Variants in CENPT observed in about 807,000 individuals in gnomAD.
CENPT encodes centromere protein T, also known as interphase centromere complex protein 22.
In CENPT, 42 loss-of-function variants were observed where a neutral mutation model predicts 59.7. That is an observed-to-expected ratio of 0.70 (90% CI 0.55 to 0.91). The LOEUF (loss-of-function observed/expected upper bound fraction) is 0.91. CENPT is among the 40% of genes least tolerant of loss of function. The probability of loss-of-function intolerance (pLI) is 0.00; values close to 1 mark genes in which losing one functional copy is unlikely to be tolerated. For synonymous variants in CENPT, 295 were observed against 289.6 expected, an observed-to-expected ratio of 1.02 and a Z score of -0.19; for missense variants, 716 against 713.4, an observed-to-expected ratio of 1.00 and a Z score of -0.04.
In CENPT at chr16:67,829,435, G is replaced by A; in HGVS notation, c.1268C>T (p.Pro423Leu). 1 of 1,583,200 alleles carries A rather than the reference G, an allele frequency of 6.3e-7. No homozygotes were observed. Among genetic ancestry groups the A allele is most frequent in the Non-Finnish European group, 8.5e-7 (1 of 1,171,634 alleles). ...HHQFLEPAPA[P>L]GAAVLSSEPA... ...TGTGGGATCTTACACTGCAGCACCA[G>A]GCGCTGGGGCTGGCTCAAGAAACTG... Residue 423 changes from proline to leucine, a missense_variant, in exon 13 of 16, where the codon CCT (proline) becomes CTT (leucine). Pro to Leu is a moderately conservative substitution (Grantham distance 98). Coordinates refer to ENST00000562787, the MANE Select transcript of CENPT (RefSeq NM_025082.4).
chr16:67,836,429 AAAC>A (rs1207257582), intron 1 of CENPT, among the ~76,000 whole-genome samples: 1 of 149,676 alleles, frequency 6.7e-6, no homozygotes, highest in Non-Finnish European at 1.5e-5. Flanking sequence ...ATATGGAAAA[AAAC>A]AAACATCTTT....
chr16:67,837,155 C>T (rs2057738813), intron 1 of CENPT, among the ~76,000 whole-genome samples: 1 of 151,862 alleles, frequency 6.6e-6, no homozygotes, highest in Non-Finnish European at 1.5e-5. Context: ...CAGGCGTGAG[C>T]CACCGTGCCT....
Position 67,833,761 on chromosome 16 carries a change from A to C in CENPT, c.99T>G (p.Ser33Arg). The C allele has an allele frequency of 6.5e-7, 1 of 1,546,264 alleles. No individual in the cohort carries two copies. The highest frequency in any genetic ancestry group is 8.7e-7 in the Non-Finnish European group (1 of 1,148,480). The change falls in exon 4 of 16, where the codon AGT (serine) becomes AGG (arginine). Residue 33 changes from serine (S) to arginine (R), a missense_variant. Transcript: ENST00000562787. ...GCCCCCTCACATACCCAGCCCGAGCACTCCGGGGTCGCCGCGGGGTGCGCG... is the reference window on the plus strand; with the variant it reads ...GCCCCCTCACATACCCAGCCCGAGCCCTCCGGGGTCGCCGCGGGGTGCGCG... ...ADPRTPRRPR[S>R]ARAGARRALL...
chr16:67,841,881 G>A (rs909968364), intron 1 of CENPT: 2 of 152,382 alleles, frequency 1.3e-5, no homozygotes, highest in Non-Finnish European at 2.9e-5. Context: ...AAGGGGCTCG[G>A]GGCTGGGGAA....
At chr16:67,830,299 G>C (rs1222326034) in intron 11 of CENPT, 91 bp downstream of exon 11, 3 of 1,482,516 alleles carry the variant, frequency 2.0e-6, no homozygotes, top group Non-Finnish European at 2.7e-6. Flanking sequence ...GGTGCTCTAG[G>C]GGCACAGAGG....
At position 67,831,370 on chromosome 16, in the gene CENPT, G is replaced by C. The variant is rs1389147804; in HGVS notation, c.561-12C>G. ...TCAGGTTGAGGGATCTGGTGAGGTGGGGAGGCACAGAGGAAAGTCAGGTAC... is the reference window on the plus strand; with the variant it reads ...TCAGGTTGAGGGATCTGGTGAGGTGCGGAGGCACAGAGGAAAGTCAGGTAC... On this transcript the variant is annotated splice_polypyrimidine_tract_variant and intron_variant, in intron 9 of 15. Coordinates refer to ENST00000562787, the MANE Select transcript of CENPT (RefSeq NM_025082.4). 1.2e-6 allele frequency: 2 copies of C among 1,611,106 alleles called. No individual in the cohort carries two copies. Among genetic ancestry groups the C allele is most frequent in the Non-Finnish European group, 1.7e-6 (2 of 1,177,920 alleles).
intron 3 of CENPT, among the ~76,000 whole-genome samples, chr16:67,834,485 G>T (rs545546264): frequency 6.6e-6 from 1 of 152,292 alleles, no homozygotes; most frequent in South Asian, 2.1e-4. Flanking sequence ...CAGTCATGGT[G>T]GTGCGCGCCT....
chr16:67,832,490 T>C lies in CENPT; in HGVS notation c.166A>G (p.Arg56Gly). 1 of 1,614,176 alleles carries C rather than the reference T, an allele frequency of 6.2e-7. No individual in the cohort carries two copies. Reference protein sequence around the residue: ...ASPRKLSGQTRTIARGRSHGA... With the variant: ...ASPRKLSGQTGTIARGRSHGA... The stretch of plus-strand genomic sequence containing the variant: ...TGGGAACGCCCTCTGGCTATCGTCC[T>C]TGTTTGGCCACTCAACTTCCTGGGG... Residue 56 changes from arginine (R) to glycine (G), a missense_variant, in exon 5 of 16, where the codon AGG becomes GGG. Coordinates refer to ENST00000562787, the MANE Select transcript of CENPT (RefSeq NM_025082.4).
At position 67,834,047 on chromosome 16, in the gene CENPT, G is replaced by A. The variant is rs1229680448; in HGVS notation, c.-188C>T. On this transcript the variant is annotated 5_prime_UTR_variant, in exon 4 of 16. Transcript: ENST00000562787. ...CGGATGCTTTGGAGGCAGCCTCGCT[G>A]CGGGTAAACCTCGGTTAATGTAATG... The A allele has an allele frequency of 2.0e-6, 1 of 489,660 alleles. No homozygotes were observed. Among genetic ancestry groups the A allele is most frequent in the African/African-American group, 2.0e-5 (1 of 49,294 alleles). The allele number at this position is 489,660 out of a possible 1,614,324, so 30.3% of individuals were successfully genotyped here. A position where few individuals can be genotyped will look rare whatever the true frequency, so the allele number is the denominator to read the frequency against.
At chr16:67,829,338 A>AGGAAG in intron 13 of CENPT, 85 bp downstream of exon 13, 1 of 1,077,970 alleles carries the variant, frequency 9.3e-7, no homozygotes, top group Non-Finnish European at 1.3e-6. Context: ...GCATACCCGT[A>AGGAAG]GGAAGGGGGA....
rs2151289466 is a variant in CENPT, at chr16:67,842,843, G to A, written c.-492+4558C>T. The A allele has an allele frequency of 6.2e-7, 1 of 1,606,258 alleles. No individual in the cohort carries two copies. The highest frequency in any genetic ancestry group is 1.3e-5 in the African/African-American group (1 of 74,712). ...CAAAGTAGCGCGCAGACCCGCTGGG[G>A]CCGCGGCCGCCCGCCGCAGGCAGCA... is the stretch of plus-strand genomic sequence containing the variant. On this transcript the variant is annotated intron_variant, in intron 1 of 15. Transcript: ENST00000562787. The surrounding 1 kb of genome is among the most constrained non-coding windows in gnomAD (Gnocchi z 4.9).
intron 1 of CENPT, among the ~76,000 whole-genome samples, chr16:67,837,045 AT>A (rs2151287532): frequency 6.8e-6 from 1 of 148,126 alleles, no homozygotes; most frequent in Non-Finnish European, 1.5e-5. Flanking sequence ...AATTTTTTGT[AT>A]TTTTAGTAGA....
rs376860228 is a variant in CENPT at position 67,828,219 on chromosome 16, G to A, written c.*48C>T. On this transcript the variant is annotated 3_prime_UTR_variant, in exon 16 of 16. Coordinates refer to ENST00000562787, the MANE Select transcript of CENPT (RefSeq NM_025082.4). ...GGAGGAGACCTGGAGAAATATGTGG[G>A]GGCAAGAGTCCCCAGGTGGGGACAG... 29 of 1,536,932 alleles carry A rather than the reference G, an allele frequency of 1.9e-5. No homozygotes were observed. In the East Asian group the frequency reaches 6.1e-4, roughly 32 times the overall value.
intron 1 of CENPT, among the ~76,000 whole-genome samples, chr16:67,837,191 GA>G (rs2057739074): frequency 7.6e-6 from 1 of 132,406 alleles, no homozygotes; most frequent in African/African-American, 2.8e-5. Context: ...TTTTTTTTTT[GA>G]GACAGGGTCT....
chr16:67,831,802 G>A lies in CENPT; in HGVS notation c.475C>T (p.Leu159=). The A allele has an allele frequency of 6.3e-7, 1 of 1,598,804 alleles. No homozygotes were observed. The highest frequency in any genetic ancestry group is 1.7e-5 in the Admixed American group (1 of 57,408). ...TCCACTCCCTGCTGAAACACTGACAGTCTCAGCCTCTGTTTCCTCCTGCCA... is the reference window on the plus strand; with the variant it reads ...TCCACTCCCTGCTGAAACACTGACAATCTCAGCCTCTGTTTCCTCCTGCCA... ...APGRRKQRLR[L]SVFQQGVDQG... Residue 159 remains leucine (L), a synonymous_variant, in exon 8 of 16, where the codon CTG becomes TTG. Transcript: ENST00000562787.
intron 1 of CENPT, among the ~76,000 whole-genome samples, chr16:67,846,406 G>A (rs1280612698): frequency 6.6e-6 from 1 of 152,264 alleles, no homozygotes; most frequent in East Asian, 1.9e-4. Flanking sequence ...ACTCGCCGAG[G>A]TGCAGGCGCA....
chr16:67,833,643 C>T lies in CENPT; in HGVS notation c.110+107G>A, dbSNP rs969579070. ...GGTTCCACCCAGACCCTGCTCCTCT[C>T]TGAGACTCAGTTTTCCTCTTCGAAC... is the stretch of plus-strand genomic sequence containing the variant. On this transcript the variant is annotated intron_variant, in intron 4 of 15. Coordinates refer to ENST00000562787, the MANE Select transcript of CENPT (RefSeq NM_025082.4). 9.2e-6 allele frequency: 6 copies of T among 654,876 alleles called. No individual in the cohort carries two copies. In the African/African-American group the frequency reaches 1.2e-4, roughly 13 times the overall value. 40.6% of individuals were successfully genotyped at this position (654,876 alleles called of 1,614,324 possible). A position where few individuals can be genotyped will look rare whatever the true frequency, so the allele number is the denominator to read the frequency against.
In CENPT at chr16:67,828,303, A is replaced by G. The variant is rs778903797; in HGVS notation, c.1650T>C (p.Cys550=). 6.2e-7 allele frequency: 1 copy of G among 1,607,986 alleles called. No homozygotes were observed. Among genetic ancestry groups the G allele is most frequent in the African/African-American group, 1.3e-5 (1 of 74,948 alleles). ...PLEYRQLLIP[C]AYSGNSVFPA... ...GGAAGACAGAGTTGCCACTGTATGC[A>G]CAGGGGATGAGCAGCTGCCGGTACT... Residue 550 remains cysteine, a synonymous_variant, in exon 16 of 16, where the codon TGT becomes TGC. Coordinates refer to ENST00000562787, the MANE Select transcript of CENPT (RefSeq NM_025082.4).
Position 67,832,123 on chromosome 16 carries a change from A to G in CENPT, c.290-15T>C. The G allele has an allele frequency of 1.2e-6, 2 of 1,610,576 alleles. No homozygotes were observed. The highest frequency in any genetic ancestry group is 1.7e-6 in the Non-Finnish European group (2 of 1,177,318). ...AGATTCTGGGGCTGCAGAAACACCA[A>G]GGAGAGGGTGGGGCTGACAGAACAG... On this transcript the variant is annotated splice_polypyrimidine_tract_variant and intron_variant, in intron 6 of 15. Coordinates refer to ENST00000562787, the MANE Select transcript of CENPT (RefSeq NM_025082.4).
Sources: allele counts gnomAD v4.1 joint callset (sites outside exome capture counted in the v4.1 genomes callset), GRCh38; gene constraint gnomAD v4.1.1; non-coding constraint Gnocchi (gnomAD v3.1); transcripts MANE v1.5; gene names NCBI Gene and HGNC (gene_info 2026-07-23, HGNC 2026-07-21).